Variants in SCUBE1 observed in about 807,000 individuals in gnomAD.
SCUBE1 encodes the protein signal peptide, CUB and EGF-like domain-containing protein 1.
A neutral mutation model predicts 124.4 loss-of-function variants in SCUBE1; 59 were observed. The ratio of observed to expected loss-of-function variants is 0.47; its 90% CI spans 0.38 to 0.59. The LOEUF (loss-of-function observed/expected upper bound fraction) is 0.59, where lower values mean the gene tolerates loss of function less well. Among genes scored for constraint, SCUBE1 ranks in the 20% least tolerant of loss-of-function variants. The pLI, the probability that SCUBE1 is intolerant of heterozygous loss-of-function variation, is 0.00. For synonymous variants in SCUBE1, 545 were observed against 550.9 expected (o/e 0.99, Z 0.15); for missense variants, 1,150 against 1,371.2 (o/e 0.84, Z 2.55).
intron 10 of SCUBE1, 31 bp from the exon 11 acceptor site, chr22:43,223,247 A>G (rs372671399): frequency 6.4e-7 from 1 of 1,554,550 alleles, no homozygotes; most frequent in South Asian, 1.2e-5. Flanking sequence ...GAGGGCTGAG[A>G]GAGGCCAGGG....
At chr22:43,333,276 G>A (rs1436022180) in intron 2 of SCUBE1, among the ~76,000 whole-genome samples, 2 of 152,166 alleles carry the variant, frequency 1.3e-5, no homozygotes, top group Non-Finnish European at 2.9e-5. Flanking sequence ...AGCCTTTCCC[G>A]GCTGTCTGAG....
chr22:43,283,901 C>T (rs1293426991), intron 4 of SCUBE1: 2 of 152,172 alleles, frequency 1.3e-5, no homozygotes, highest in East Asian at 1.9e-4. Flanking sequence ...TGAATGGATC[C>T]CCAAAATACT....
chr22:43,280,167 A>G (rs1482666048), intron 4 of SCUBE1, among the ~76,000 whole-genome samples: 2 of 152,100 alleles, frequency 1.3e-5, no homozygotes, highest in Admixed American at 6.5e-5. Context: ...TGCCTCTTCC[A>G]AAGTAGAGAC....
At chr22:43,321,284 G>A (rs570668220) in intron 2 of SCUBE1, among the ~76,000 whole-genome samples, 1 of 152,358 alleles carries the variant, frequency 6.6e-6, no homozygotes, top group South Asian at 2.1e-4. Flanking sequence ...GGCAGGCCTA[G>A]CTTCCCTCAA....
intron 6 of SCUBE1, among the ~76,000 whole-genome samples, chr22:43,244,327 C>T (rs917811703): frequency 6.6e-6 from 1 of 152,238 alleles, no homozygotes; most frequent in Non-Finnish European, 1.5e-5. Context: ...GCAGCGCTGT[C>T]TGTGTGTGCA....
chr22:43,302,132 A>AGCCTT (rs764450079), intron 3 of SCUBE1, among the ~76,000 whole-genome samples: 50 of 152,322 alleles, frequency 3.3e-4, no homozygotes, highest in Middle Eastern at 6.8e-3. Flanking sequence ...CTGCCGCCTT[A>AGCCTT]GCCTTGCCCG....
Position 43,343,206 on chromosome 22 carries a change from C to A in SCUBE1, c.56G>T (p.Arg19Leu). 1 of 1,207,540 alleles carries A rather than the reference C, an allele frequency of 8.3e-7. No individual in the cohort carries two copies. Among genetic ancestry groups the A allele is most frequent in the Non-Finnish European group, 1.0e-6 (1 of 966,998 alleles). 74.8% of individuals were successfully genotyped at this position (1,207,540 alleles called of 1,614,324 possible). A position where few individuals can be genotyped will look rare whatever the true frequency, so the allele number is the denominator to read the frequency against. ...CCCGCTGCCCCCGGCCAGCCGCCCG[C>A]GTGTGCCCAGGGCCAGCAGCACGCA... The part of the protein sequence containing the change: ...HLCVLLALGT[R>L]GRLAGGSGLP... The change falls in exon 1 of 22, where the codon CGC becomes CTC. Residue 19 changes from arginine (R) to leucine (L), a missense_variant. By Grantham distance (102) the Arg-to-Leu change is moderately radical (BLOSUM62 -2). Coordinates refer to ENST00000360835, the MANE Select transcript of SCUBE1 (RefSeq NM_173050.5).
intron 5 of SCUBE1, among the ~76,000 whole-genome samples, chr22:43,259,969 A>C (rs535376511): frequency 5.3e-5 from 8 of 152,326 alleles, no homozygotes; most frequent in Non-Finnish European, 8.8e-5. Flanking sequence ...GCTCACCTCA[A>C]CGGCCAGGAA....
chr22:43,205,051 G>T (rs1426848311), intron 21 of SCUBE1, among the ~76,000 whole-genome samples: 2 of 152,124 alleles, frequency 1.3e-5, no homozygotes, highest in African/African-American at 2.4e-5. Flanking sequence ...AGGCTTTGCA[G>T]CTGGCAGATC....
At chr22:43,276,698 G>A (rs958804388) in intron 4 of SCUBE1, among the ~76,000 whole-genome samples, 5 of 152,230 alleles carry the variant, frequency 3.3e-5, no homozygotes, top group African/African-American at 1.2e-4. Flanking sequence ...ACCCCAGGTG[G>A]GAAGCCAGGC....
At chr22:43,243,237 T>A (rs1923077176) in intron 6 of SCUBE1, among the ~76,000 whole-genome samples, 1 of 152,188 alleles carries the variant, frequency 6.6e-6, no homozygotes, top group Non-Finnish European at 1.5e-5. Flanking sequence ...TTTGATGGGA[T>A]CCTCACCGTG....
At chr22:43,311,492 C>T (rs1333571705) in intron 3 of SCUBE1, among the ~76,000 whole-genome samples, 2 of 149,774 alleles carry the variant, frequency 1.3e-5, no homozygotes, top group African/African-American at 2.5e-5. Flanking sequence ...GTAATCTCGG[C>T]TCATTGCAAC....
intron 4 of SCUBE1, among the ~76,000 whole-genome samples, chr22:43,263,807 C>T (rs1923962488): frequency 6.6e-6 from 1 of 152,244 alleles, no homozygotes; most frequent in Non-Finnish European, 1.5e-5. Context: ...CATATTTCCT[C>T]ACCTTGATTT....
At chr22:43,209,402 C>T (rs866146477) in intron 19 of SCUBE1, among the ~76,000 whole-genome samples, 24 of 152,218 alleles carry the variant, frequency 1.6e-4, no homozygotes, top group African/African-American at 7.2e-5. Context: ...GGCTGGTGCT[C>T]GGGTGGCTCA....
chr22:43,342,888 C>T (rs1036486222), intron 1 of SCUBE1, among the ~76,000 whole-genome samples: 1 of 151,680 alleles, frequency 6.6e-6, no homozygotes, highest in African/African-American at 2.4e-5. Context: ...GCGGGGTCCC[C>T]GGGAACCGCC....
At chr22:43,209,743 A>G (rs1335798474) in intron 19 of SCUBE1, among the ~76,000 whole-genome samples, 2 of 152,198 alleles carry the variant, frequency 1.3e-5, no homozygotes, top group African/African-American at 2.4e-5. Context: ...TGGTCCCGCC[A>G]CTGGGATGAG....
chr22:43,288,666 T>G (rs774674586), intron 4 of SCUBE1, among the ~76,000 whole-genome samples: 4 of 152,234 alleles, frequency 2.6e-5, no homozygotes, highest in Non-Finnish European at 5.9e-5. Context: ...ACCCGTTTCT[T>G]TCCTCTCACA....
chr22:43,218,570 G>C, intron 14 of SCUBE1, 112 bp from the exon 15 acceptor site: 3 of 1,084,554 alleles, frequency 2.8e-6, no homozygotes, highest in Non-Finnish European at 2.7e-6. Context: ...GACCTCCTCA[G>C]CACATTCTCA....
rs1429099560 is a variant in SCUBE1 at position 43,232,255 on chromosome 22, G to A, written c.845-380C>T. On this transcript the variant is annotated intron_variant, in intron 7 of 21. Transcript: ENST00000360835. ...AGGGAGGCCGCCTGGCCAGCAGGGA[G>A]GCTGGAGCAGGCAGGCACCACTTCT... The A allele has an allele frequency of 2.0e-5, 4 of 197,548 alleles. No individual in the cohort carries two copies. In the East Asian group the frequency reaches 4.5e-4, roughly 22 times the overall value. The allele number at this position is 197,548 out of a possible 1,614,324, so 12.2% of individuals were successfully genotyped here.
Sources: gnomAD v4.1 joint callset for allele counts (sites outside exome capture counted in the v4.1 genomes callset) on GRCh38, gnomAD v4.1.1 for gene constraint, MANE v1.5 for transcripts, NCBI Gene and HGNC (gene_info 2026-07-23, HGNC 2026-07-21) for gene names.